Variants in ATL3 observed in about 807,000 individuals in gnomAD.
The protein encoded by ATL3 is atlastin-3.
Under a neutral mutation model 69.5 loss-of-function variants are expected in ATL3, and 49 were observed. The observed-to-expected ratio is 0.71, with a 90% CI of 0.56 to 0.89. The LOEUF is 0.89. Among genes scored for constraint, ATL3 ranks in the 40% least tolerant of loss-of-function variants. The pLI is 0.00. For missense variants in ATL3, 606 were observed against 645.7 expected (o/e 0.94, Z 0.67); for synonymous variants, 214 against 224.1 (o/e 0.95, Z 0.40).
At chr11:63,670,837 T>A (rs796794114) in intron 1 of ATL3, among the ~76,000 whole-genome samples, 35 of 152,284 alleles carry the variant, frequency 2.3e-4, no homozygotes, top group African/African-American at 8.2e-4. Flanking sequence ...TCCCGCTCCA[T>A]CCAGGCCCCG....
At chr11:63,655,736 G>A (rs976511154) in intron 3 of ATL3, among the ~76,000 whole-genome samples, 13 of 151,072 alleles carry the variant, frequency 8.6e-5, no homozygotes, top group African/African-American at 1.5e-4. Context: ...GTGCGCCACC[G>A]CGCCGGCCAA....
At chr11:63,634,038 CAAAAAAAAAAA>C (rs1158615731) in intron 10 of ATL3, among the ~76,000 whole-genome samples, 1 of 76,102 alleles carries the variant, frequency 1.3e-5, no homozygotes, top group South Asian at 4.7e-4. Flanking sequence ...CTGTCTCAAA[CAAAAAAAAAAA>C]AAAAAAAAAG....
Position 63,646,500 on chromosome 11 carries a change from T to C in ATL3, c.618+7A>G. 7.0e-7 allele frequency: 1 copy of C among 1,436,250 alleles called. No homozygotes were observed. Among genetic ancestry groups the C allele is most frequent in the Non-Finnish European group, 9.7e-7 (1 of 1,032,392 alleles). The allele number at this position is 1,436,250 out of a possible 1,614,324, so 89.0% of individuals were successfully genotyped here. ...GTATGAATTATATTTAAAATAAATA[T>C]TCTAACCTGGAAAGGCTTTTGGAAA... On this transcript the variant is annotated splice_region_variant and intron_variant, in intron 6 of 12. Transcript: ENST00000398868.
At chr11:63,671,444 T>C (rs1590751839), upstream of ATL3, 9 of 1,490,084 alleles carry the variant, frequency 6.0e-6, no homozygotes, top group Non-Finnish European at 7.1e-6. Flanking sequence ...GCCTGGGCTC[T>C]AGAAAAAACT....
rs779155610 is a variant in ATL3 at position 63,635,490 on chromosome 11, A to G, written c.1035+44T>C. On this transcript the variant is annotated intron_variant, in intron 10 of 12. Transcript: ENST00000398868. ...CTGCTTATTGTATACAGGTCAACTC[A>G]AGTAATTTAAGGGTAGCGTTTAGGA... is the stretch of plus-strand genomic sequence containing the variant. 2.0e-6 allele frequency: 3 copies of G among 1,520,988 alleles called. No homozygotes were observed. In the South Asian group the frequency reaches 3.4e-5, roughly 17 times the overall value. The allele number at this position is 1,520,988 out of a possible 1,614,324, so 94.2% of individuals were successfully genotyped here. A position where few individuals can be genotyped will look rare whatever the true frequency, so the allele number is the denominator to read the frequency against.
intron 8 of ATL3, among the ~76,000 whole-genome samples, chr11:63,640,078 G>A (rs1384328590): frequency 2.0e-5 from 3 of 152,038 alleles, no homozygotes; most frequent in Non-Finnish European, 4.4e-5. Flanking sequence ...ACAGGCATGT[G>A]TCACCATGCC....
chr11:63,659,265 A>C lies in ATL3; in HGVS notation c.47-13T>G. ...TCCATGGCATCATCTATGTTCATGC[A>C]GAGAAAAAAAATCAGTGTCAAATAT... On this transcript the variant is annotated splice_polypyrimidine_tract_variant and intron_variant, in intron 1 of 12. Coordinates refer to ENST00000398868, the MANE Select transcript of ATL3 (RefSeq NM_015459.5). 6.2e-7 allele frequency: 1 copy of C among 1,609,730 alleles called. No homozygotes were observed. Among genetic ancestry groups the C allele is most frequent in the Non-Finnish European group, 8.5e-7 (1 of 1,176,894 alleles).
chr11:63,657,960 G>A (rs1335862149), intron 3 of ATL3, among the ~76,000 whole-genome samples: 3 of 151,284 alleles, frequency 2.0e-5, no homozygotes, highest in Non-Finnish European at 2.9e-5. Flanking sequence ...GGGTTCAAGC[G>A]TTTCTCCTGC....
rs1442900567 is a variant in ATL3 at position 63,659,102 on chromosome 11, G to A, written c.197C>T (p.Ala66Val). ...GGACTTGCCCTTTCGGAAGGCACCA[G>A]CCACTGAAACCACCACCACATCAAG... ...RDLDVVVVSV[A>V]GAFRKGKSFI... The change falls in exon 2 of 13, where the codon GCT becomes GTT. Residue 66 changes from alanine (A) to valine (V), a missense_variant. Transcript: ENST00000398868. 1 of 1,614,072 alleles carries A rather than the reference G, an allele frequency of 6.2e-7. No individual in the cohort carries two copies. The highest frequency in any genetic ancestry group is 1.1e-5 in the South Asian group (1 of 91,088).
intron 8 of ATL3, among the ~76,000 whole-genome samples, chr11:63,640,511 T>C (rs1439469893): frequency 6.6e-6 from 1 of 151,278 alleles, no homozygotes; most frequent in Non-Finnish European, 1.5e-5. Flanking sequence ...GGCTGAGATG[T>C]ACCATAATCT....
chr11:63,653,839 A>G (rs1940156385), intron 3 of ATL3, among the ~76,000 whole-genome samples: 1 of 152,212 alleles, frequency 6.6e-6, no homozygotes, highest in Non-Finnish European at 1.5e-5. Context: ...TGGGGAGGGA[A>G]GAGAGGAACA....
intron 1 of ATL3, among the ~76,000 whole-genome samples, chr11:63,661,396 A>G (rs1164324237): frequency 7.9e-5 from 12 of 152,182 alleles, no homozygotes; most frequent in African/African-American, 2.7e-4. Context: ...AGCACTAACT[A>G]TATTATACTT....
At chr11:63,651,891 A>G in intron 5 of ATL3, 45 bp downstream of exon 5, 2 of 1,557,794 alleles carry the variant, frequency 1.3e-6, no homozygotes, top group Non-Finnish European at 1.7e-6. Flanking sequence ...TAATCTTAAA[A>G]CTTTTAAATA....
intron 5 of ATL3, among the ~76,000 whole-genome samples, chr11:63,649,757 C>T (rs1940011893): frequency 6.6e-6 from 1 of 151,860 alleles, no homozygotes; most frequent in South Asian, 2.1e-4. Flanking sequence ...AGACTGGTCT[C>T]GAACACCCAA....
intron 8 of ATL3, among the ~76,000 whole-genome samples, chr11:63,640,116 T>C (rs1939646337): frequency 6.6e-6 from 1 of 152,054 alleles, no homozygotes; most frequent in South Asian, 2.1e-4. Context: ...TTAGTAGCGA[T>C]GGGGTTTCTC....
At chr11:63,632,745 TGATTA>T (rs1249873035) in intron 11 of ATL3, 1 of 1,095,344 alleles carries the variant, frequency 9.1e-7, no homozygotes, top group African/African-American at 1.6e-5. Flanking sequence ...TCTTTTGACT[TGATTA>T]TTGTCTCCTG....
rs1393559449 is a variant in ATL3 at position 63,626,472 on chromosome 11, A to G, written c.*2847T>C. 1 of 152,254 alleles carries G rather than the reference A, an allele frequency of 6.6e-6. No homozygotes were observed. Among genetic ancestry groups the G allele is most frequent in the African/African-American group, 2.4e-5 (1 of 41,472 alleles). 9.4% of individuals were successfully genotyped at this position (152,254 alleles called of 1,614,324 possible). A position where few individuals can be genotyped will look rare whatever the true frequency, so the allele number is the denominator to read the frequency against. On this transcript the variant is annotated 3_prime_UTR_variant, in exon 13 of 13. Coordinates refer to ENST00000398868, the MANE Select transcript of ATL3 (RefSeq NM_015459.5). ...CATTTTATCTATGAGCCAATCTTACAGAAAGATTTCTCAAAGAATGAAAAC... is the reference window on the plus strand; with the variant it reads ...CATTTTATCTATGAGCCAATCTTACGGAAAGATTTCTCAAAGAATGAAAAC...
At chr11:63,646,282 C>T (rs774704919) in intron 6 of ATL3, among the ~76,000 whole-genome samples, 17 of 152,172 alleles carry the variant, frequency 1.1e-4, no homozygotes, top group Non-Finnish European at 2.4e-4. Flanking sequence ...CTGTGTTACA[C>T]TAAAATTTTA....
intron 1 of ATL3, among the ~76,000 whole-genome samples, chr11:63,665,996 T>C (rs1940562638): frequency 1.3e-5 from 2 of 152,204 alleles, no homozygotes; most frequent in South Asian, 2.1e-4. Context: ...TACACCTTTT[T>C]TAAGACTGGG....
Sources: allele counts gnomAD v4.1 joint callset (sites outside exome capture counted in the v4.1 genomes callset), GRCh38; gene constraint gnomAD v4.1.1; transcripts MANE v1.5; gene names NCBI Gene and HGNC (gene_info 2026-07-23, HGNC 2026-07-21).